SLC35D2: variants seen among roughly 807,000 people sequenced by gnomAD.
SLC35D2 encodes nucleotide sugar transporter SLC35D2.
SLC35D2 carries 43 observed loss-of-function variants against 41.8 expected under a neutral mutation model. The ratio of observed to expected loss-of-function variants is 1.03; its 90% confidence interval spans 0.81 to 1.33. The LOEUF (loss-of-function observed/expected upper bound fraction) is 1.33, where lower values mean the gene tolerates loss of function less well. Among genes scored for constraint, SLC35D2 ranks in the 40% most tolerant of loss-of-function variants. The pLI is 0.00. For missense variants in SLC35D2, 380 were observed against 408.4 expected (o/e 0.93, Z 0.60); for synonymous variants, 150 against 163.9 (o/e 0.92, Z 0.65).
At chr9:96,350,219 A>G (rs1028878564) in intron 6 of SLC35D2, among the ~76,000 whole-genome samples, 7 of 152,038 alleles carry the variant, frequency 4.6e-5, no homozygotes, top group Admixed American at 1.3e-4. Flanking sequence ...TGCTCAGGCT[A>G]GAATGCAGTG....
intron 2 of SLC35D2, among the ~76,000 whole-genome samples, chr9:96,365,757 G>A (rs964224448): frequency 2.0e-5 from 3 of 151,946 alleles, no homozygotes; most frequent in African/African-American, 7.3e-5. Context: ...AGTACCCTAG[G>A]TATACTGGAA....
chr9:96,375,869 T>A (rs1587726082), intron 1 of SLC35D2, among the ~76,000 whole-genome samples: 1 of 151,798 alleles, frequency 6.6e-6, no homozygotes, highest in East Asian at 2.0e-4. Context: ...AATAAAAAAA[T>A]TAGCCGGGGA....
downstream of SLC35D2, among the ~76,000 whole-genome samples, chr9:96,319,006 C>T (rs768853716): frequency 1.7e-4 from 26 of 152,126 alleles, no homozygotes; most frequent in Non-Finnish European, 2.8e-4. Flanking sequence ...CCAGCTATTC[C>T]ACTTCTAGGC....
chr9:96,375,784 A>G (rs1174456893), intron 1 of SLC35D2, among the ~76,000 whole-genome samples: 3 of 151,982 alleles, frequency 2.0e-5, no homozygotes, highest in Admixed American at 1.3e-4. Flanking sequence ...TTGAGAGGCC[A>G]AGGCAGGTGG....
At chr9:96,382,683 C>T (rs555569187) in intron 1 of SLC35D2, among the ~76,000 whole-genome samples, 1 of 152,164 alleles carries the variant, frequency 6.6e-6, no homozygotes, top group South Asian at 2.1e-4. Flanking sequence ...AACTAAGACA[C>T]TCTAGGTCTC....
At chr9:96,344,037 C>A (rs563123056) in intron 7 of SLC35D2, 41 bp from the exon 8 acceptor site, 2 of 1,321,810 alleles carry the variant, frequency 1.5e-6, no homozygotes. Context: ...GTTTCAGAAA[C>A]GTGAGGCACA....
intron 4 of SLC35D2, among the ~76,000 whole-genome samples, chr9:96,357,756 A>T (rs1274085263): frequency 2.0e-5 from 3 of 152,112 alleles, no homozygotes; most frequent in African/African-American, 7.2e-5. Flanking sequence ...AAACTTTTAC[A>T]GGCTGGGCAC....
At chr9:96,342,714 G>A (rs529815915) in intron 8 of SLC35D2, among the ~76,000 whole-genome samples, 1 of 152,298 alleles carries the variant, frequency 6.6e-6, no homozygotes, top group South Asian at 2.1e-4. Flanking sequence ...CCGGGGACGA[G>A]GTTGCTAAGC....
chr9:96,337,995 A>AC lies in SLC35D2; in HGVS notation c.685-1212_685-1211insG, dbSNP rs1435924768. On this transcript the variant is annotated intron_variant, in intron 8 of 11. Coordinates refer to ENST00000253270, the MANE Select transcript of SLC35D2 (RefSeq NM_007001.3). ...AAACTCCACCTCAAAAAAAAAAAAA[A>AC]AAAAAAAAAACTCAATTTCTGCTCT... Among the ~76,000 whole-genome samples the AC allele has an allele frequency of 2.0e-5, 3 of 149,010 alleles. No individual in the cohort carries two copies. In the East Asian group the frequency reaches 6.1e-4, roughly 30 times the overall value.
rs1831307112 is a variant in SLC35D2, at chr9:96,383,666, C to T, written c.-32G>A. On this transcript the variant is annotated 5_prime_UTR_variant, in exon 1 of 12. Coordinates refer to ENST00000253270, the MANE Select transcript of SLC35D2 (RefSeq NM_007001.3). ...CGGCCCCGCGGACCCCGCCGCCCGC[C>T]AGCCCCGGCTGCGCACTGGTCCCGC... 44 of 1,008,382 alleles carry T rather than the reference C, an allele frequency of 4.4e-5. No homozygotes were observed. The highest frequency in any genetic ancestry group is 5.1e-5 in the Non-Finnish European group (43 of 846,826). The allele number at this position is 1,008,382 out of a possible 1,614,324, so 62.5% of individuals were successfully genotyped here. A position where few individuals can be genotyped will look rare whatever the true frequency, so the allele number is the denominator to read the frequency against.
At chr9:96,341,964 A>T (rs1254753846) in intron 8 of SLC35D2, among the ~76,000 whole-genome samples, 4 of 151,688 alleles carry the variant, frequency 2.6e-5, no homozygotes, top group Admixed American at 2.6e-4. Flanking sequence ...ATATATCTAA[A>T]ATACCAGAAT....
intron 1 of SLC35D2, among the ~76,000 whole-genome samples, chr9:96,372,574 CTTTTT>C (rs71368250): frequency 3.3e-5 from 3 of 90,142 alleles, no homozygotes; most frequent in African/African-American, 1.6e-4. Flanking sequence ...TAAATAATTA[CTTTTT>C]TTTTTTTTTT....
At chr9:96,352,659 T>G (rs1000449636) in intron 4 of SLC35D2, among the ~76,000 whole-genome samples, 1 of 151,886 alleles carries the variant, frequency 6.6e-6, no homozygotes, top group East Asian at 1.9e-4. Context: ...TGTCCATCCA[T>G]TCTAAAGGTT....
At chr9:96,324,568 G>GTTTTTTTTTTTTTTTTTTTTTTT (rs1828426398) in intron 9 of SLC35D2, among the ~76,000 whole-genome samples, 1 of 74,790 alleles carries the variant, frequency 1.3e-5, no homozygotes, top group Non-Finnish European at 2.7e-5. Flanking sequence ...TTTTTTTTTG[G>GTTTTTTTTTTTTTTTTTTTTTTT]TGGGGACGGA....
At chr9:96,378,268 TAAAA>T (rs560408413) in intron 1 of SLC35D2, among the ~76,000 whole-genome samples, 3 of 121,204 alleles carry the variant, frequency 2.5e-5, no homozygotes, top group Non-Finnish European at 5.3e-5. Flanking sequence ...ACTCCATCTC[TAAAA>T]AAAAAAAAAA....
At chr9:96,379,149 AT>A (rs1831085037) in intron 1 of SLC35D2, among the ~76,000 whole-genome samples, 2 of 148,188 alleles carry the variant, frequency 1.3e-5, no homozygotes, top group Non-Finnish European at 1.5e-5. Context: ...AAAAAAAAAA[AT>A]GCAAAAATTA....
intron 9 of SLC35D2, among the ~76,000 whole-genome samples, chr9:96,327,306 T>C (rs1828582461): frequency 6.6e-6 from 1 of 152,216 alleles, no homozygotes; most frequent in South Asian, 2.1e-4. Flanking sequence ...AGGCGGGACA[T>C]GAATGCCTGG....
intron 5 of SLC35D2, among the ~76,000 whole-genome samples, chr9:96,351,664 T>C (rs985827671): frequency 6.6e-6 from 1 of 152,138 alleles, no homozygotes; most frequent in East Asian, 1.9e-4. Flanking sequence ...AATTACTGCG[T>C]CAGAATTGAT....
At chr9:96,331,203 T>C (rs1828793982) in intron 9 of SLC35D2, among the ~76,000 whole-genome samples, 1 of 152,186 alleles carries the variant, frequency 6.6e-6, no homozygotes. Context: ...CGCATGATGA[T>C]GTAAATTAAT....
Sources: gnomAD v4.1 joint callset for allele counts (sites outside exome capture counted in the v4.1 genomes callset) on GRCh38, gnomAD v4.1.1 for gene constraint, MANE v1.5 for transcripts, NCBI Gene and HGNC (gene_info 2026-07-23, HGNC 2026-07-21) for gene names.